The following ITPR2 variants were observed in gnomAD, a reference collection of about 807,000 sequenced individuals.
ITPR2 encodes inositol 1,4,5-trisphosphate receptor type 2, also known as inositol 1,4,5-trisphosphate-gated calcium channel ITPR2.
In ITPR2, 207 loss-of-function variants were observed where a neutral mutation model predicts 317.1. That is an observed-to-expected ratio of 0.65 (90% CI 0.58 to 0.73). The LOEUF is 0.73. ITPR2 is among the 30% of genes least tolerant of loss of function. ITPR2 has a pLI of 0.00. For synonymous variants in ITPR2, 1,156 were observed against 1,149.1 expected (o/e 1.01, Z -0.12); for missense variants, 2,613 against 3,284.0 (o/e 0.80, Z 4.99).
rs1937941292 is a variant in ITPR2, at chr12:26,337,100, CTT to C, written c.*2295_*2296del. ...ATAAGAGTCTTGTTAGTTGCAGTCT[CTT>C]TTGAATACTTTCCTTGGGAGAAAAT... On this transcript the variant is annotated 3_prime_UTR_variant, in exon 57 of 57. Coordinates refer to ENST00000381340, the MANE Select transcript of ITPR2 (RefSeq NM_002223.4). The C allele has an allele frequency of 6.6e-6, 1 of 151,336 alleles. No individual in the cohort carries two copies. The highest frequency in any genetic ancestry group is 1.5e-5 in the Non-Finnish European group (1 of 67,898). 9.4% of individuals were successfully genotyped at this position (151,336 alleles called of 1,614,324 possible).
At chr12:26,823,574 A>G (rs189233310) in intron 1 of ITPR2, among the ~76,000 whole-genome samples, 2 of 152,360 alleles carry the variant, frequency 1.3e-5, no homozygotes, top group Admixed American at 1.3e-4. Flanking sequence ...TAAATGAATT[A>G]ATGAGTCATT....
intron 55 of ITPR2, among the ~76,000 whole-genome samples, chr12:26,370,932 C>A (rs1939170566): frequency 6.6e-6 from 1 of 152,262 alleles, no homozygotes. Flanking sequence ...CTCGGCCTCC[C>A]AAAGTGCTGG....
intron 55 of ITPR2, among the ~76,000 whole-genome samples, chr12:26,348,474 C>T (rs1345737742): frequency 6.6e-6 from 1 of 152,188 alleles, no homozygotes; most frequent in Non-Finnish European, 1.5e-5. Context: ...AGGAGATACC[C>T]ATGACATTGG....
intron 45 of ITPR2, among the ~76,000 whole-genome samples, chr12:26,451,867 A>G (rs1941750218): frequency 6.6e-6 from 1 of 152,262 alleles, no homozygotes; most frequent in Non-Finnish European, 1.5e-5. Context: ...GACTTAGGGC[A>G]GTTTTTAGTA....
Position 26,790,203 on chromosome 12 carries a change from C to A in ITPR2, c.117G>T (p.Val39=). 1 of 1,613,734 alleles carries A rather than the reference C, an allele frequency of 6.2e-7. No individual in the cohort carries two copies. Among genetic ancestry groups the A allele is most frequent in the Non-Finnish European group, 8.5e-7 (1 of 1,179,612 alleles). ...TGGCAAGGTCCCCGGCCTCTGGGTGCACCACACATCTGTCATCCACTAACC... is the reference window on the plus strand; with the variant it reads ...TGGCAAGGTCCCCGGCCTCTGGGTGAACCACACATCTGTCATCCACTAACC... ...TLGLVDDRCV[V]HPEAGDLANP... is the part of the protein sequence containing the mutation. Residue 39 remains valine, a synonymous_variant, in exon 2 of 57, where the codon GTG becomes GTT. Coordinates refer to ENST00000381340, the MANE Select transcript of ITPR2 (RefSeq NM_002223.4).
At chr12:26,468,501 G>C (rs1415105533) in intron 45 of ITPR2, among the ~76,000 whole-genome samples, 1 of 149,908 alleles carries the variant, frequency 6.7e-6, no homozygotes, top group Non-Finnish European at 1.5e-5. Context: ...ATTTTTGCCA[G>C]AAGTTATTCC....
Position 26,413,317 on chromosome 12 carries a change from A to G in ITPR2, c.7307-1905T>C, listed in dbSNP as rs368076773. On this transcript the variant is annotated intron_variant, in intron 51 of 56. Transcript: ENST00000381340. The stretch of plus-strand genomic sequence containing the variant: ...CTTTACCATTCAGCTTTAGAACTCA[A>G]CCTCCCCTCATTGCTCCCACCAACT... Among the ~76,000 whole-genome samples, 20 of 151,618 alleles carry G rather than the reference A, an allele frequency of 1.3e-4. No individual in the cohort carries two copies. The South Asian group carries it at 4.0e-3, about 30-fold the overall frequency.
chr12:26,572,507 A>G (rs962960438), intron 34 of ITPR2, among the ~76,000 whole-genome samples: 1 of 152,182 alleles, frequency 6.6e-6, no homozygotes, highest in Admixed American at 6.5e-5. Context: ...CTAAAAAGCA[A>G]CTGAGGTGCT....
At chr12:26,780,374 C>T (rs571115803) in intron 2 of ITPR2, among the ~76,000 whole-genome samples, 3 of 152,310 alleles carry the variant, frequency 2.0e-5, no homozygotes, top group East Asian at 3.9e-4. Flanking sequence ...CTATCCTGCA[C>T]GCAATGCTTC....
chr12:26,372,397 G>A (rs1295965971), intron 55 of ITPR2, among the ~76,000 whole-genome samples: 1 of 152,182 alleles, frequency 6.6e-6, no homozygotes, highest in Non-Finnish European at 1.5e-5. Context: ...TGTACTGTCT[G>A]TTAGATAATG....
chr12:26,614,324 G>A (rs1329077891), intron 26 of ITPR2, among the ~76,000 whole-genome samples: 1 of 151,778 alleles, frequency 6.6e-6, no homozygotes, highest in Non-Finnish European at 1.5e-5. Flanking sequence ...CTCTGAGCAA[G>A]TGTCTAGTTT....
At chr12:26,774,458 G>C (rs1344797136) in intron 2 of ITPR2, among the ~76,000 whole-genome samples, 1 of 152,168 alleles carries the variant, frequency 6.6e-6, no homozygotes, top group African/African-American at 2.4e-5. Context: ...GGTCAACATA[G>C]TGAAACCTTG....
At chr12:26,593,267 G>T (rs1487425190) in intron 32 of ITPR2, among the ~76,000 whole-genome samples, 2 of 152,322 alleles carry the variant, frequency 1.3e-5, no homozygotes, top group East Asian at 3.9e-4. Flanking sequence ...AAATTCTGGG[G>T]ACAAGGACCA....
intron 55 of ITPR2, among the ~76,000 whole-genome samples, chr12:26,353,421 C>T (rs1168367396): frequency 6.6e-6 from 1 of 152,170 alleles, no homozygotes; most frequent in Non-Finnish European, 1.5e-5. Context: ...AGTGATGGCA[C>T]CAGACTCAAG....
intron 32 of ITPR2, 141 bp from the exon 33 acceptor site, chr12:26,580,296 T>C (rs533630490): frequency 3.4e-5 from 23 of 671,092 alleles, no homozygotes; most frequent in Non-Finnish European, 5.6e-5. Context: ...AAGAGAAGCA[T>C]TTCAGCCTGA....
In ITPR2 at chr12:26,656,319, G is replaced by A. The variant is rs202017437; in HGVS notation, c.2422C>T (p.Pro808Ser). The A allele has an allele frequency of 8.1e-6, 13 of 1,614,126 alleles. No individual in the cohort carries two copies. Among genetic ancestry groups the A allele is most frequent in the Non-Finnish European group, 1.1e-5 (13 of 1,180,020 alleles). Reference protein sequence around the residue: ...VRYARLWTEIPTKITIHEYDS... With the variant: ...VRYARLWTEISTKITIHEYDS... ...TACTCATGAATTGTGATCTTTGTGGGGATTTCTGTCCAGAGCCTGGCATAG... is the reference window on the plus strand; with the variant it reads ...TACTCATGAATTGTGATCTTTGTGGAGATTTCTGTCCAGAGCCTGGCATAG... Residue 808 changes from proline (P) to serine (S), a missense_variant, in exon 19 of 57, where the codon CCC (proline) becomes TCC (serine). Around this residue, in one of 9 missense-constraint regions of ITPR2, gnomAD observed 817 missense variants for 897.6 expected, o/e 0.91. Transcript: ENST00000381340.
chr12:26,664,385 C>T (rs1355986367), intron 14 of ITPR2, among the ~76,000 whole-genome samples: 4 of 152,174 alleles, frequency 2.6e-5, no homozygotes, highest in African/African-American at 9.7e-5. Context: ...TATCAGCATT[C>T]AAATGTGACA....
At chr12:26,753,806 C>T (rs181376142) in intron 2 of ITPR2, among the ~76,000 whole-genome samples, 93 of 152,202 alleles carry the variant, frequency 6.1e-4, no homozygotes, top group African/African-American at 2.1e-3. Context: ...TCAAGACGAC[C>T]CAGCAAACTG....
chr12:26,540,259 T>C (rs1364683563), intron 37 of ITPR2, among the ~76,000 whole-genome samples: 1 of 152,190 alleles, frequency 6.6e-6, no homozygotes, highest in African/African-American at 2.4e-5. Context: ...AGGTCTACAC[T>C]AATAAGATAA....
Sources: gnomAD v4.1 joint callset for allele counts (sites outside exome capture counted in the v4.1 genomes callset) on GRCh38, gnomAD v4.1.1 for gene constraint, gnomAD v4.1.1 regional missense constraint, MANE v1.5 for transcripts, NCBI Gene and HGNC (gene_info 2026-07-23, HGNC 2026-07-21) for gene names.